Variants in DSP observed in about 807,000 individuals in gnomAD.
DSP encodes the protein desmoplakin, also known as 250/210 kDa paraneoplastic pemphigus antigen.
DSP carries 114 observed loss-of-function variants against 290.6 expected under a neutral mutation model. The observed-to-expected ratio is 0.39, with a 90% CI of 0.34 to 0.46. The LOEUF is 0.46. Ranked by LOEUF, DSP falls within the 20% of genes least tolerant of loss-of-function variation. The pLI is 0.99. For missense variants in DSP, 3,230 were observed against 3,495.8 expected (o/e 0.92, Z 1.92); for synonymous variants, 1,311 against 1,316.4 (o/e 1.00, Z 0.09).
intron 1 of DSP, among the ~76,000 whole-genome samples, chr6:7,542,558 CCCCCAAT>C (rs1758029464): frequency 6.6e-6 from 1 of 152,192 alleles, no homozygotes; most frequent in Non-Finnish European, 1.5e-5. Context: ...TACCGGCTCA[CCCCCAAT>C]CCCCAGTAAC....
intron 1 of DSP, among the ~76,000 whole-genome samples, chr6:7,550,297 C>A (rs1447819118): frequency 6.6e-6 from 1 of 152,006 alleles, no homozygotes; most frequent in Non-Finnish European, 1.5e-5. Context: ...TCAAGCAATC[C>A]GGCGGCCTCT....
intron 1 of DSP, among the ~76,000 whole-genome samples, chr6:7,547,148 C>T (rs930929257): frequency 2.0e-5 from 3 of 152,024 alleles, no homozygotes; most frequent in Non-Finnish European, 4.4e-5. Context: ...ATCTCCCTCC[C>T]GCTGGGCTGG....
chr6:7,570,859 T>C (rs1000743733), intron 13 of DSP, among the ~76,000 whole-genome samples: 1 of 152,174 alleles, frequency 6.6e-6, no homozygotes, highest in African/African-American at 2.4e-5. Flanking sequence ...TATGCTCCTT[T>C]GATGTAATGG....
In DSP at chr6:7,574,679, C is replaced by G; in HGVS notation, c.2320C>G (p.Leu774Val). The change falls in exon 17 of 24, where the codon CTC (leucine) becomes GTC (valine). Residue 774 changes from leucine (L) to valine (V), a missense_variant. Leu to Val is a conservative substitution (Grantham distance 32). Around this residue, in one of 5 missense-constraint regions of DSP, gnomAD observed 1,714 missense variants for 1,844.5 expected, o/e 0.93. Transcript: ENST00000379802. ...CAGCTTATGCACAGTAAGGGCACTG[C>G]TCCAGGCTATTCTCCAAACAGAAGA... ...LNSLCTVRAL[L>V]QAILQTEDML... 2 of 1,614,092 alleles carry G rather than the reference C, an allele frequency of 1.2e-6. No homozygotes were observed.
At chr6:7,577,703 A>G (rs1368881280) in intron 20 of DSP, 76 bp from the exon 21 acceptor site, 1 of 1,193,582 alleles carries the variant, frequency 8.4e-7, no homozygotes, top group East Asian at 2.3e-5. Flanking sequence ...ATGATTTAAA[A>G]CTGTGGAACT....
chr6:7,578,416 T>C (rs1759314159), intron 21 of DSP, 48 bp from the exon 22 acceptor site: 2 of 1,533,496 alleles, frequency 1.3e-6, no homozygotes, highest in Non-Finnish European at 1.8e-6. Context: ...CATAGGACTT[T>C]TTTTTTAATG....
chr6:7,563,695 A>T (rs1384006259), intron 5 of DSP, 41 bp from the exon 6 acceptor site: 3 of 1,553,232 alleles, frequency 1.9e-6, no homozygotes, highest in Non-Finnish European at 2.7e-6. Context: ...TATACAATCC[A>T]CAAGGGGATT....
intron 2 of DSP, among the ~76,000 whole-genome samples, chr6:7,556,986 A>G (rs1398675934): frequency 6.6e-6 from 1 of 152,210 alleles, no homozygotes; most frequent in Non-Finnish European, 1.5e-5. Flanking sequence ...GCATGGCCTC[A>G]TGTTCTCAGT....
rs1275471884 is a variant in DSP, at chr6:7,584,180, C to T, written c.6918C>T (p.Ser2306=). The change falls in exon 24 of 24, where the codon AGC becomes AGT. Residue 2306 remains serine, a synonymous_variant. Transcript: ENST00000379802. This position sits in a 1 kb window ranked among gnomAD's most constrained non-coding sequence, Gnocchi z 6.4. ...CTGGCTTTATAGTGGATCCTGTTAG[C>T]AACTTGAGGTTACCAGTGGAGGAAG... ...AATGFIVDPV[S]NLRLPVEEAY... The T allele has an allele frequency of 3.7e-6, 6 of 1,614,124 alleles. No individual in the cohort carries two copies. The East Asian group carries it at 8.9e-5, about 24-fold the overall frequency.
chr6:7,553,199 A>T (rs1258238481), intron 1 of DSP, among the ~76,000 whole-genome samples: 2 of 152,068 alleles, frequency 1.3e-5, no homozygotes, highest in Non-Finnish European at 2.9e-5. Context: ...TGAACTCCTG[A>T]GCTCAAGCAA....
At chr6:7,555,058 T>G (rs73375319) in intron 1 of DSP, among the ~76,000 whole-genome samples, 4,267 of 152,294 alleles carry the variant, frequency 0.028, 187 homozygotes, top group African/African-American at 0.097. Flanking sequence ...GAGGTCTTCC[T>G]GCAGAGGGAC....
chr6:7,558,507 CTTTTT>C (rs145193988), intron 3 of DSP, among the ~76,000 whole-genome samples: 3 of 104,514 alleles, frequency 2.9e-5, no homozygotes, highest in African/African-American at 7.6e-5. Flanking sequence ...TGGCATTTGA[CTTTTT>C]TTTTTTTTTT....
rs1759291031 is a variant in DSP, at chr6:7,577,872, G to T, written c.2971G>T (p.Val991Leu). ...KRTMIQSPSGVILQEAADVHA... is the reference protein window; with the variant it reads ...KRTMIQSPSGLILQEAADVHA... The stretch of plus-strand genomic sequence containing the variant: ...GACCATGATTCAGTCCCCTTCTGGG[G>T]TGATTCTGCAAGAGGTATATATGTC... The change falls in exon 21 of 24, where the codon GTG becomes TTG. Residue 991 changes from valine to leucine, a missense_variant. Coordinates refer to ENST00000379802, the MANE Select transcript of DSP (RefSeq NM_004415.4). 2 of 1,614,010 alleles carry T rather than the reference G, an allele frequency of 1.2e-6. No homozygotes were observed. The highest frequency in any genetic ancestry group is 2.2e-5 in the South Asian group (2 of 91,084).
rs199555263 is a variant in DSP, at chr6:7,574,811, A to G, written c.2436+16A>G. ...TGGACTGAAGGTAACTTGAAAGCTT[A>G]TAACAGTGGCCCAACTTACAGGAAC... On this transcript the variant is annotated intron_variant, in intron 17 of 23. Transcript: ENST00000379802. 2.8e-4 allele frequency: 455 copies of G among 1,614,158 alleles called. No individual in the cohort carries two copies. The highest frequency in any genetic ancestry group is 4.3e-4 in the Admixed American group (26 of 60,022).
At chr6:7,576,868 G>A (rs758166191) in intron 19 of DSP, 91 bp from the exon 20 acceptor site, 9 of 1,137,970 alleles carry the variant, frequency 7.9e-6, no homozygotes, top group Non-Finnish European at 1.2e-5. Context: ...TGAAAAAAGG[G>A]TACAAATAAC....
Position 7,576,302 on chromosome 6 carries a change from A to G in DSP, c.2639A>G (p.Asp880Gly), listed in dbSNP as rs1043775743. Reference sequence around the variant, plus strand: ...TATCTATTTCCCCCCAGGTTATGGGACCTGGAGAAACAAATCAAGCAATTG... The same window carrying G: ...TATCTATTTCCCCCCAGGTTATGGGGCCTGGAGAAACAAATCAAGCAATTG... ...IDKQIDFRLW[D>G]LEKQIKQLRN... The change falls in exon 19 of 24, where the codon GAC (aspartate) becomes GGC (glycine). Residue 880 changes from aspartate to glycine, a missense_variant. Physicochemically the swap from Asp to Gly is moderately conservative, Grantham distance 94. Coordinates refer to ENST00000379802, the MANE Select transcript of DSP (RefSeq NM_004415.4). 6.2e-7 allele frequency: 1 copy of G among 1,614,020 alleles called. No homozygotes were observed. Among genetic ancestry groups the G allele is most frequent in the Admixed American group, 1.7e-5 (1 of 60,020 alleles).
chr6:7,574,927 A>G, intron 17 of DSP, 132 bp downstream of exon 17: 1 of 1,168,008 alleles, frequency 8.6e-7, no homozygotes, highest in Non-Finnish European at 1.3e-6. Context: ...ACAGGTTGAC[A>G]TCAGTTGTCA....
Position 7,586,562 on chromosome 6 carries a change from T to TTA in DSP, c.*685_*686dup, listed in dbSNP as rs1045716719. The TTA allele has an allele frequency of 2.6e-5, 4 of 152,272 alleles. No individual in the cohort carries two copies. The highest frequency in any genetic ancestry group is 9.6e-5 in the African/African-American group (4 of 41,470). The allele number at this position is 152,272 out of a possible 1,614,324, so 9.4% of individuals were successfully genotyped here. A position where few individuals can be genotyped will look rare whatever the true frequency, so the allele number is the denominator to read the frequency against. On this transcript the variant is annotated 3_prime_UTR_variant, in exon 24 of 24. Transcript: ENST00000379802. ...AGTTTGCTATTCTGGCAATAAACTT[T>TTA]TAGACTTTTGAAGTGTTTGTGTTTT...
rs879629174 is a variant in DSP at position 7,554,824 on chromosome 6, CT to C, written c.171-882del. Among the ~76,000 whole-genome samples the C allele has an allele frequency of 1.0e-3, 152 of 145,316 alleles. 1 individual carries two copies. The highest frequency in any genetic ancestry group is 1.3e-3 in the African/African-American group (50 of 39,876). On this transcript the variant is annotated intron_variant, in intron 1 of 23. Coordinates refer to ENST00000379802, the MANE Select transcript of DSP (RefSeq NM_004415.4). ...CATGTTTGGCTAATTTAAAAACAAT[CT>C]TTTTTTTTTTTGTAAGACAGGGTCT...
Sources: gnomAD v4.1 joint callset for allele counts (sites outside exome capture counted in the v4.1 genomes callset) on GRCh38, gnomAD v4.1.1 for gene constraint, gnomAD v4.1.1 regional missense constraint, Gnocchi (gnomAD v3.1) non-coding constraint, MANE v1.5 for transcripts, NCBI Gene and HGNC (gene_info 2026-07-23, HGNC 2026-07-21) for gene names.